Variants in GPR158 observed in about 807,000 individuals in gnomAD.
The protein encoded by GPR158 is metabotropic glycine receptor.
GPR158 carries 30 observed loss-of-function variants against 78.2 expected under a neutral mutation model. That is an observed-to-expected ratio of 0.38 (90% CI 0.29 to 0.52). GPR158 has a LOEUF of 0.52. Among genes scored for constraint, GPR158 ranks in the 20% least tolerant of loss-of-function variants. The pLI, the probability that GPR158 is intolerant of heterozygous loss-of-function variation, is 0.83. For synonymous variants in GPR158, 581 were observed against 591.1 expected, an observed-to-expected ratio of 0.98 and a Z score of 0.25; for missense variants, 1,463 against 1,523.5, an observed-to-expected ratio of 0.96 and a Z score of 0.66.
intron 2 of GPR158, among the ~76,000 whole-genome samples, chr10:25,357,396 A>T (rs1855568960): frequency 6.6e-6 from 1 of 152,138 alleles, no homozygotes; most frequent in African/African-American, 2.4e-5. Flanking sequence ...GGCATGTCAG[A>T]GGTCTTCATG....
chr10:25,196,378 T>C (rs1321760394), intron 1 of GPR158, among the ~76,000 whole-genome samples: 1 of 152,194 alleles, frequency 6.6e-6, no homozygotes, highest in East Asian at 1.9e-4. Context: ...TTAAATCTCT[T>C]TGAGGATCTT....
intron 2 of GPR158, among the ~76,000 whole-genome samples, chr10:25,376,380 G>A (rs1337911227): frequency 2.6e-5 from 4 of 151,496 alleles, no homozygotes; most frequent in Non-Finnish European, 4.4e-5. Flanking sequence ...TACAGTTAAT[G>A]ATGTATTTGG....
chr10:25,388,077 TG>T (rs1310541694), intron 2 of GPR158, among the ~76,000 whole-genome samples: 1 of 152,252 alleles, frequency 6.6e-6, no homozygotes, highest in African/African-American at 2.4e-5. Flanking sequence ...GGATCTGGTC[TG>T]CTCCTAGGAA....
At chr10:25,242,520 G>C (rs1242682684) in intron 2 of GPR158, among the ~76,000 whole-genome samples, 1 of 152,148 alleles carries the variant, frequency 6.6e-6, no homozygotes, top group Non-Finnish European at 1.5e-5. Context: ...ATGTGGAAAG[G>C]GTTAATGTTA....
At chr10:25,305,185 T>C (rs1350450886) in intron 2 of GPR158, among the ~76,000 whole-genome samples, 5 of 152,202 alleles carry the variant, frequency 3.3e-5, no homozygotes, top group Non-Finnish European at 7.4e-5. Flanking sequence ...AGAAATCACA[T>C]TGTTATATGT....
intron 2 of GPR158, among the ~76,000 whole-genome samples, chr10:25,266,278 A>T (rs1854044250): frequency 6.6e-6 from 1 of 152,142 alleles, no homozygotes; most frequent in African/African-American, 2.4e-5. Context: ...ATTGTTTGTC[A>T]TTCACTTCAT....
intron 2 of GPR158, among the ~76,000 whole-genome samples, chr10:25,372,251 C>A (rs1169117268): frequency 6.6e-6 from 1 of 152,018 alleles, no homozygotes; most frequent in Non-Finnish European, 1.5e-5. Flanking sequence ...CACTTTTACA[C>A]TGTTGGTGGG....
At chr10:25,444,535 G>A (rs1328665062) in intron 4 of GPR158, among the ~76,000 whole-genome samples, 1 of 151,440 alleles carries the variant, frequency 6.6e-6, no homozygotes, top group African/African-American at 2.4e-5. Context: ...GTGTGGAAGT[G>A]TGTGTGTGGT....
chr10:25,213,917 C>T (rs1853169587), intron 1 of GPR158, among the ~76,000 whole-genome samples: 2 of 152,012 alleles, frequency 1.3e-5, no homozygotes, highest in African/African-American at 4.8e-5. Flanking sequence ...TCCTTTTTGT[C>T]TCTTCATTCT....
rs1287468909 is a variant in GPR158 at position 25,310,153 on chromosome 10, G to A, written c.1009-85758G>A. On this transcript the variant is annotated intron_variant, in intron 2 of 10. Coordinates refer to ENST00000376351, the MANE Select transcript of GPR158 (RefSeq NM_020752.3). ...TTTTCCCAACAGCATTTGTTGAAAAGACTGTCCTTTCCCTGTTGAGTAGCA... is the reference window on the plus strand; with the variant it reads ...TTTTCCCAACAGCATTTGTTGAAAAAACTGTCCTTTCCCTGTTGAGTAGCA... Among the ~76,000 whole-genome samples, 4 of 152,144 alleles carry A rather than the reference G, an allele frequency of 2.6e-5. No individual in the cohort carries two copies. In the East Asian group the frequency reaches 7.7e-4, roughly 29 times the overall value.
rs752795321 is a variant in GPR158, at chr10:25,597,999, C to A, written c.2373C>A (p.Asn791Lys). The A allele has an allele frequency of 1.2e-6, 2 of 1,614,002 alleles. No homozygotes were observed. Among genetic ancestry groups the A allele is most frequent in the South Asian group, 1.1e-5 (1 of 91,076 alleles). ...AAGGCACTGCCCTCATCAGGAAGAA[C>A]CCCCCAGAGTCTTCAGGGAACACAG... ...TAKGTALIRK[N>K]PPESSGNTGK... The change falls in exon 11 of 11, where the codon AAC (asparagine) becomes AAA (lysine). Residue 791 changes from asparagine (N) to lysine (K), a missense_variant. Transcript: ENST00000376351.
At chr10:25,587,013 C>A (rs74942140) in intron 7 of GPR158, among the ~76,000 whole-genome samples, 2 of 152,030 alleles carry the variant, frequency 1.3e-5, no homozygotes, top group African/African-American at 4.8e-5. Context: ...TCTTGCTGAC[C>A]GACTAAAATT....
intron 2 of GPR158, among the ~76,000 whole-genome samples, chr10:25,256,598 G>A (rs569010247): frequency 2.6e-5 from 4 of 152,190 alleles, no homozygotes; most frequent in African/African-American, 4.8e-5. Context: ...GGCGGTAGGA[G>A]TGCTTGAGCC....
Position 25,599,145 on chromosome 10 carries a change from T to G in GPR158, c.3519T>G (p.Pro1173=). The G allele has an allele frequency of 6.2e-7, 1 of 1,611,194 alleles. No individual in the cohort carries two copies. The highest frequency in any genetic ancestry group is 8.5e-7 in the Non-Finnish European group (1 of 1,179,994). The change falls in exon 11 of 11, where the codon CCT becomes CCG. Residue 1173 remains proline (P), a synonymous_variant. Transcript: ENST00000376351. ...QPLTSRAEVC[P]WEFETPAQPN... is the part of the protein sequence containing the mutation. Reference sequence around the variant, plus strand: ...TAACATCACGAGCAGAGGTTTGTCCTTGGGAGTTTGAGACCCCAGCTCAAC... The same window carrying G: ...TAACATCACGAGCAGAGGTTTGTCCGTGGGAGTTTGAGACCCCAGCTCAAC...
intron 6 of GPR158, among the ~76,000 whole-genome samples, chr10:25,556,096 G>A (rs1043353917): frequency 3.9e-5 from 6 of 152,132 alleles, no homozygotes; most frequent in African/African-American, 1.4e-4. Flanking sequence ...TTAAGATGGC[G>A]TCTTAAACTG....
intron 2 of GPR158, among the ~76,000 whole-genome samples, chr10:25,297,200 G>C (rs1284807834): frequency 6.6e-6 from 1 of 152,168 alleles, no homozygotes; most frequent in Non-Finnish European, 1.5e-5. Context: ...TCTGCCCCTA[G>C]GTGTAACATT....
intron 5 of GPR158, among the ~76,000 whole-genome samples, chr10:25,524,202 A>G (rs1026094311): frequency 6.6e-6 from 1 of 152,258 alleles, no homozygotes; most frequent in African/African-American, 2.4e-5. Flanking sequence ...AAAACTGAAT[A>G]GGTTAGCAGT....
intron 5 of GPR158, among the ~76,000 whole-genome samples, chr10:25,541,816 G>A (rs555921862): frequency 7.3e-5 from 11 of 151,374 alleles, no homozygotes; most frequent in Admixed American, 5.9e-4. Flanking sequence ...GAAAATTATC[G>A]GCTTAATTCT....
intron 5 of GPR158, among the ~76,000 whole-genome samples, chr10:25,531,032 T>A (rs1836416072): frequency 6.6e-6 from 1 of 152,260 alleles, no homozygotes; most frequent in Admixed American, 6.5e-5. Flanking sequence ...TTCAGATACA[T>A]GTCTAGGGAT....
Sources: gnomAD v4.1 joint callset for allele counts (sites outside exome capture counted in the v4.1 genomes callset) on GRCh38, gnomAD v4.1.1 for gene constraint, MANE v1.5 for transcripts, NCBI Gene and HGNC (gene_info 2026-07-23, HGNC 2026-07-21) for gene names.